The following DMD variants were observed in gnomAD, a reference collection of about 807,000 sequenced individuals.
DMD encodes the protein mutant dystrophin.
A neutral mutation model predicts 330.1 loss-of-function variants in DMD; 63 were observed. The ratio of observed to expected loss-of-function variants is 0.19; its 90% confidence interval spans 0.16 to 0.24. The LOEUF is 0.24. Ranked by LOEUF, DMD falls within the 10% of genes least tolerant of loss-of-function variation. DMD has a pLI of 1.00. For synonymous variants in DMD, 1,223 were observed against 959.8 expected, an observed-to-expected ratio of 1.27 and a Z score of -5.07; for missense variants, 3,344 against 2,684.1, an observed-to-expected ratio of 1.25 and a Z score of -5.43.
At position 33,306,761 on chromosome X, in the gene DMD, G is replaced by T. The variant is rs187935761; in HGVS notation, c.7+32498C>A. 5.9e-3 allele frequency among the ~76,000 whole-genome samples: 650 copies of T among 110,935 alleles called. 9 individuals are homozygous for T. Among genetic ancestry groups the T allele is most frequent in the African/African-American group, 0.02 (616 of 30,493 alleles). On this transcript the variant is annotated intron_variant, in intron 1 of 17. Coordinates refer to the DMD transcript ENST00000288447. ...GTCTCAATTAGTACAAAGCCATGGGGACCCAGACTCTGTCTCTGTAATACT... is the reference window on the plus strand; with the variant it reads ...GTCTCAATTAGTACAAAGCCATGGGTACCCAGACTCTGTCTCTGTAATACT...
intron 12 of DMD, among the ~76,000 whole-genome samples, chrX:32,601,731 A>G (rs2056231690): frequency 9.1e-6 from 1 of 109,808 alleles, no homozygotes; most frequent in Non-Finnish European, 1.9e-5. Flanking sequence ...GACTTTGAGA[A>G]AGTCATCAAC....
At chrX:32,989,867 G>A (rs915086226) in intron 2 of DMD, among the ~76,000 whole-genome samples, 1 of 111,373 alleles carries the variant, frequency 9.0e-6, no homozygotes, top group African/African-American at 3.3e-5. Context: ...TATTCTGATT[G>A]TCACTCCATT....
At chrX:32,850,992 G>T (rs1345257613) in intron 2 of DMD, among the ~76,000 whole-genome samples, 1 of 111,821 alleles carries the variant, frequency 8.9e-6, no homozygotes, top group Non-Finnish European at 1.9e-5. Flanking sequence ...ACATGTAACA[G>T]TGGGAGCTCT....
chrX:31,262,524 G>A (rs2050625333), intron 62 of DMD, among the ~76,000 whole-genome samples: 2 of 112,531 alleles, frequency 1.8e-5, no homozygotes, highest in Admixed American at 9.4e-5. Flanking sequence ...TGAACAGTGA[G>A]GGCTACTGAA....
At chrX:33,178,476 C>T (rs1050162890) in intron 1 of DMD, among the ~76,000 whole-genome samples, 1 of 111,978 alleles carries the variant, frequency 8.9e-6, no homozygotes, top group Non-Finnish European at 1.9e-5. Context: ...TTCTGATACA[C>T]GCAGCCAAAC....
intron 7 of DMD, among the ~76,000 whole-genome samples, chrX:32,736,491 C>T (rs964250706): frequency 1.1e-4 from 12 of 110,086 alleles, no homozygotes; most frequent in East Asian, 2.8e-4. Context: ...GCATTATTCA[C>T]GATAGCAAAG....
chrX:33,296,863 T>C lies in DMD; in HGVS notation c.7+42396A>G, dbSNP rs183654026. ...AGAAATTTAACTGAATCTAAACTTA[T>C]TCACAAAAGCTTACATTCACTTTGG... On this transcript the variant is annotated intron_variant, in intron 1 of 17. Transcript: ENST00000288447. Among the ~76,000 whole-genome samples, 587 of 111,778 alleles carry C rather than the reference T, an allele frequency of 5.3e-3. 2 individuals are homozygous for C. Among genetic ancestry groups the C allele is most frequent in the Non-Finnish European group, 9.1e-3 (480 of 52,857 alleles).
intron 7 of DMD, among the ~76,000 whole-genome samples, chrX:32,757,922 C>G (rs1177460405): frequency 9.0e-6 from 1 of 111,354 alleles, no homozygotes; most frequent in Non-Finnish European, 1.9e-5. Context: ...AGGGTTAACA[C>G]CCTTTCACTT....
intron 55 of DMD, among the ~76,000 whole-genome samples, chrX:31,550,493 C>T (rs1389464395): frequency 8.9e-6 from 1 of 112,080 alleles, no homozygotes; most frequent in East Asian, 2.8e-4. Context: ...TATAGAGTTG[C>T]TAATAATTTC....
At position 31,403,449 on chromosome X, in the gene DMD, A is replaced by G. The variant is rs187693700; in HGVS notation, c.9084+41032T>C. On this transcript the variant is annotated intron_variant, in intron 60 of 78. Coordinates refer to ENST00000357033, the MANE Select transcript of DMD (RefSeq NM_004006.3). ...AATAATACAAACAAATTCTAATTTT[A>G]TGTATGTGAAAAAAACTACTTATAT... Among the ~76,000 whole-genome samples the G allele has an allele frequency of 3.1e-4, 35 of 112,181 alleles. No individual in the cohort carries two copies. In the East Asian group the frequency reaches 9.4e-3, roughly 30 times the overall value.
At chrX:31,682,722 T>C (rs2082451959) in intron 52 of DMD, among the ~76,000 whole-genome samples, 1 of 112,248 alleles carries the variant, frequency 8.9e-6, no homozygotes, top group African/African-American at 3.2e-5. Flanking sequence ...TTCGCTTTCG[T>C]TAGTCTTAAT....
intron 6 of DMD, among the ~76,000 whole-genome samples, chrX:32,813,432 A>G (rs996272797): frequency 1.8e-5 from 2 of 111,430 alleles, no homozygotes; most frequent in African/African-American, 6.5e-5. Context: ...TGTTAGCCAA[A>G]CAGTTTTAGG....
chrX:32,707,098 G>A (rs1337901148), intron 7 of DMD, among the ~76,000 whole-genome samples: 1 of 99,781 alleles, frequency 1.0e-5, no homozygotes, highest in Non-Finnish European at 1.9e-5. Context: ...TCTCGGAGGG[G>A]GTAAAAAAAA....
chrX:32,083,018 C>T (rs549295878), intron 44 of DMD, among the ~76,000 whole-genome samples: 1 of 112,052 alleles, frequency 8.9e-6, no homozygotes, highest in African/African-American at 3.2e-5. Flanking sequence ...TTTACTCAAT[C>T]TAATAATTTT....
intron 2 of DMD, among the ~76,000 whole-genome samples, chrX:32,996,490 C>T (rs990936616): frequency 1.8e-5 from 2 of 111,102 alleles, no homozygotes; most frequent in Admixed American, 1.9e-4. Flanking sequence ...TGTAGGAGAC[C>T]GAAATATGCC....
chrX:32,232,796 A>G (rs1375717776), intron 43 of DMD, among the ~76,000 whole-genome samples: 3 of 111,951 alleles, frequency 2.7e-5, no homozygotes, highest in Non-Finnish European at 5.6e-5. Context: ...CTATCATTTT[A>G]GGTGTTTCAT....
At chrX:31,372,892 T>G (rs1157774026) in intron 60 of DMD, among the ~76,000 whole-genome samples, 2 of 111,763 alleles carry the variant, frequency 1.8e-5, no homozygotes, top group African/African-American at 6.5e-5. Context: ...TGTCCCTGTT[T>G]GCAGATGACA....
chrX:31,914,115 C>T (rs1373202637), intron 47 of DMD, among the ~76,000 whole-genome samples: 8 of 112,154 alleles, frequency 7.1e-5, no homozygotes, highest in Non-Finnish European at 1.5e-4. Flanking sequence ...GCTTAGCTTA[C>T]ATTTGAAAAC....
chrX:31,773,195 TTAATG>T (rs1299925240), intron 51 of DMD, among the ~76,000 whole-genome samples: 1 of 112,160 alleles, frequency 8.9e-6, no homozygotes, highest in Non-Finnish European at 1.9e-5. Context: ...TGAAAAAACT[TTAATG>T]TATAACAATT....
Sources: gnomAD v4.1 joint callset for allele counts (sites outside exome capture counted in the v4.1 genomes callset) on GRCh38, gnomAD v4.1.1 for gene constraint, MANE v1.5 for transcripts, NCBI Gene and HGNC (gene_info 2026-07-23, HGNC 2026-07-21) for gene names.